SHROOM3: variants seen among roughly 807,000 people sequenced by gnomAD.
SHROOM3 encodes protein Shroom3.
A neutral mutation model predicts 138.6 loss-of-function variants in SHROOM3; 47 were observed. That is an observed-to-expected ratio of 0.34 (90% CI 0.27 to 0.43). The LOEUF is 0.43. Ranked by LOEUF, SHROOM3 falls within the 20% of genes least tolerant of loss-of-function variation. SHROOM3 has a pLI of 1.00. For synonymous variants in SHROOM3, 1,062 were observed against 1,063.3 expected (o/e 1.00, Z 0.02); for missense variants, 2,491 against 2,596.5 (o/e 0.96, Z 0.88).
chr4:76,470,044 T>TTAA (rs146708919), intron 1 of SHROOM3, among the ~76,000 whole-genome samples: 7,816 of 152,286 alleles, frequency 0.051, 245 homozygotes, highest in African/African-American at 0.083. Context: ...TAGCTAACTC[T>TTAA]TAAGTACTTA....
At chr4:76,651,363 A>T (rs1470207164) in intron 2 of SHROOM3, among the ~76,000 whole-genome samples, 2 of 141,242 alleles carry the variant, frequency 1.4e-5, no homozygotes, top group African/African-American at 5.2e-5. Context: ...GTTATTTCAC[A>T]TTGCATGTCT....
chr4:76,731,898 T>C (rs1266308102), intron 4 of SHROOM3, among the ~76,000 whole-genome samples: 3 of 152,208 alleles, frequency 2.0e-5, no homozygotes, highest in African/African-American at 7.2e-5. Flanking sequence ...GTTTCAAAGC[T>C]GCTGCATGTA....
chr4:76,492,846 A>G (rs998666955), intron 1 of SHROOM3, among the ~76,000 whole-genome samples: 2 of 152,184 alleles, frequency 1.3e-5, no homozygotes, highest in African/African-American at 4.8e-5. Flanking sequence ...GACAGAGAGC[A>G]GGCAAAGAAG....
intron 2 of SHROOM3, among the ~76,000 whole-genome samples, chr4:76,631,804 T>C (rs1735332228): frequency 6.6e-6 from 1 of 152,292 alleles, no homozygotes; most frequent in African/African-American, 2.4e-5. Flanking sequence ...ATTCCTTTTT[T>C]TGAGGAAATA....
chr4:76,485,455 A>C (rs903161990), intron 1 of SHROOM3, among the ~76,000 whole-genome samples: 1 of 152,220 alleles, frequency 6.6e-6, no homozygotes, highest in Non-Finnish European at 1.5e-5. Context: ...TGGTGTTTTC[A>C]TGAACTTATC....
chr4:76,592,335 G>A (rs976651842), intron 2 of SHROOM3, among the ~76,000 whole-genome samples: 5 of 152,194 alleles, frequency 3.3e-5, no homozygotes, highest in African/African-American at 1.2e-4. Context: ...GAGCAGTTGT[G>A]AGCATTAAAT....
intron 2 of SHROOM3, chr4:76,639,688 C>G: frequency 5.0e-6 from 2 of 398,166 alleles, no homozygotes; most frequent in Non-Finnish European, 8.9e-6. Context: ...AGCCAGTATT[C>G]CTGGGTAAAG....
intron 3 of SHROOM3, among the ~76,000 whole-genome samples, chr4:76,716,574 G>A (rs927687100): frequency 2.0e-5 from 3 of 152,180 alleles, no homozygotes; most frequent in African/African-American, 7.2e-5. Context: ...AAATTGTTAT[G>A]AATATTCTCA....
rs199685557 is a variant in SHROOM3 at position 76,739,113 on chromosome 4, C to G, written c.940C>G (p.Arg314Gly). 16 of 1,614,208 alleles carry G rather than the reference C, an allele frequency of 9.9e-6. No homozygotes were observed. The East Asian group carries it at 3.6e-4, about 36-fold the overall frequency. The change falls in exon 5 of 11, where the codon CGG becomes GGG. Residue 314 changes from arginine (R) to glycine (G), a missense_variant. Physicochemically the swap from Arg to Gly is moderately radical, Grantham distance 125 (BLOSUM62 -2). Around this residue, in one of 4 missense-constraint regions of SHROOM3, gnomAD observed 1,733 missense variants for 1,661.6 expected, o/e 1.04. Transcript: ENST00000296043. ...CTATGTCAAGACAGTCTATGACACC[C>G]GGAGGGGAGTCTCAGCAGAGTATGA... ...IRYVKTVYDT[R>G]RGVSAEYEVN... is the part of the protein sequence containing the mutation.
intron 2 of SHROOM3, among the ~76,000 whole-genome samples, chr4:76,651,401 A>AATATATATATATATATATAT (rs33994270): frequency 1.7e-4 from 15 of 86,748 alleles, no homozygotes; most frequent in Non-Finnish European, 3.2e-4. Flanking sequence ...GTAACCCATA[A>AATATATATATATATATATAT]ATATATATAT....
At chr4:76,551,895 T>C (rs945793689) in intron 1 of SHROOM3, among the ~76,000 whole-genome samples, 5 of 151,610 alleles carry the variant, frequency 3.3e-5, no homozygotes, top group African/African-American at 1.2e-4. Flanking sequence ...AGAGTCTCGC[T>C]CTGTCACCCA....
intron 1 of SHROOM3, among the ~76,000 whole-genome samples, chr4:76,439,815 C>T (rs563728048): frequency 6.6e-6 from 1 of 152,160 alleles, no homozygotes; most frequent in Non-Finnish European, 1.5e-5. Context: ...GAATGAATGG[C>T]CGTAAAGGAT....
Position 76,618,531 on chromosome 4 carries a change from C to G in SHROOM3, c.323+62768C>G, listed in dbSNP as rs112093909. 7.2e-3 allele frequency among the ~76,000 whole-genome samples: 1,094 copies of G among 152,256 alleles called. 10 individuals carry two copies. The highest frequency in any genetic ancestry group is 0.025 in the African/African-American group (1,025 of 41,538). Reference sequence around the variant, plus strand: ...AATAGGAAAGTTACAAGAGTAAGAACAGTACACAAAGCACTCATTTACCTT... The same window carrying G: ...AATAGGAAAGTTACAAGAGTAAGAAGAGTACACAAAGCACTCATTTACCTT... On this transcript the variant is annotated intron_variant, in intron 2 of 10. Coordinates refer to ENST00000296043, the MANE Select transcript of SHROOM3 (RefSeq NM_020859.4).
chr4:76,462,728 TTCCCTCTCCATC>T (rs1290243463), intron 1 of SHROOM3, among the ~76,000 whole-genome samples: 1 of 139,740 alleles, frequency 7.2e-6, no homozygotes, highest in African/African-American at 2.7e-5. Flanking sequence ...CCCTCTCCCT[TTCCCTCTCCATC>T]TCCATCTCCC....
Position 76,732,820 on chromosome 4 carries a change from T to C in SHROOM3, c.587+1885T>C, listed in dbSNP as rs542876830. 2.0e-5 allele frequency among the ~76,000 whole-genome samples: 3 copies of C among 152,352 alleles called. No individual in the cohort carries two copies. In the East Asian group the frequency reaches 5.8e-4, roughly 29 times the overall value. On this transcript the variant is annotated intron_variant, in intron 4 of 10. Coordinates refer to ENST00000296043, the MANE Select transcript of SHROOM3 (RefSeq NM_020859.4). ...AAGCTTGAGCAAATCATTTAACCTTTGATCTTGGCTTCCTTTTCTGTAAAA... is the reference window on the plus strand; with the variant it reads ...AAGCTTGAGCAAATCATTTAACCTTCGATCTTGGCTTCCTTTTCTGTAAAA...
chr4:76,765,111 AT>A (rs34890356), intron 9 of SHROOM3, among the ~76,000 whole-genome samples: 5,066 of 140,570 alleles, frequency 0.036, 150 homozygotes, highest in African/African-American at 0.084. Flanking sequence ...TCTGCCAGTG[AT>A]TTTTTTTTTT....
chr4:76,500,254 C>A (rs532660134), intron 1 of SHROOM3, among the ~76,000 whole-genome samples: 9 of 152,094 alleles, frequency 5.9e-5, no homozygotes, highest in Non-Finnish European at 1.2e-4. Context: ...CCTGGTTTCC[C>A]GTCATAATAA....
rs569677068 is a variant in SHROOM3 at position 76,638,643 on chromosome 4, G to A, written c.324-71513G>A. Among the ~76,000 whole-genome samples, 11 of 152,222 alleles carry A rather than the reference G, an allele frequency of 7.2e-5. No homozygotes were observed. The South Asian group carries it at 2.1e-3, about 29-fold the overall frequency. The stretch of plus-strand genomic sequence containing the variant: ...CATACAAAGCTAGCAGACCAAATGG[G>A]TTCAAAACTTTAAATAGCATAATTC... On this transcript the variant is annotated intron_variant, in intron 2 of 10. Transcript: ENST00000296043.
intron 2 of SHROOM3, among the ~76,000 whole-genome samples, chr4:76,599,007 G>A (rs1734447844): frequency 6.6e-6 from 1 of 152,104 alleles, no homozygotes; most frequent in African/African-American, 2.4e-5. Context: ...AGGAAGTGGT[G>A]CATTGAATAT....
Sources: allele counts gnomAD v4.1 joint callset (sites outside exome capture counted in the v4.1 genomes callset), GRCh38; gene constraint gnomAD v4.1.1; regional missense constraint gnomAD v4.1.1; transcripts MANE v1.5; gene names NCBI Gene and HGNC (gene_info 2026-07-23, HGNC 2026-07-21).